Variants in ADA observed in about 807,000 individuals in gnomAD.
The protein encoded by ADA is adenosine deaminase.
ADA carries 45 observed loss-of-function variants against 49.0 expected under a neutral mutation model. The observed-to-expected ratio is 0.92, with a 90% CI of 0.72 to 1.18. ADA has a LOEUF of 1.18. Among genes scored for constraint, ADA ranks in the 50% most tolerant of loss-of-function variants. ADA has a pLI of 0.00. For synonymous variants in ADA, 173 were observed against 184.2 expected (o/e 0.94, Z 0.49); for missense variants, 445 against 472.5 (o/e 0.94, Z 0.54).
Position 44,632,989 on chromosome 20 carries a change from C to T in ADA, c.95+3238G>A, listed in dbSNP as rs1003684762. Among the ~76,000 whole-genome samples the T allele has an allele frequency of 5.3e-5, 8 of 152,216 alleles. No homozygotes were observed. The South Asian group carries it at 1.2e-3, about 24-fold the overall frequency. On this transcript the variant is annotated intron_variant, in intron 2 of 11. Transcript: ENST00000372874. ...GATTACAGGCGTGAGCCACCATGCA[C>T]GCTCTGTTCTTAGATGATCCCTACT...
chr20:44,651,465 G>A (rs1356768884), intron 1 of ADA, 110 bp downstream of exon 1: 33 of 1,103,736 alleles, frequency 3.0e-5, no homozygotes, highest in Admixed American at 4.4e-5. Context: ...CTCGCCTGCA[G>A]GAGCCCCCGT....
At chr20:44,628,707 A>C (rs947502735) in intron 3 of ADA, among the ~76,000 whole-genome samples, 3 of 149,420 alleles carry the variant, frequency 2.0e-5, no homozygotes, top group Non-Finnish European at 3.0e-5. Flanking sequence ...CCCCCACCCT[A>C]TATTCAGGCC....
chr20:44,649,989 C>T lies in ADA; in HGVS notation c.33+1586G>A, dbSNP rs1423214027. Among the ~76,000 whole-genome samples, 5 of 152,250 alleles carry T rather than the reference C, an allele frequency of 3.3e-5. No individual in the cohort carries two copies. The South Asian group carries it at 8.3e-4, about 25-fold the overall frequency. ...TGGCCTCATGATCCACCCACCTTTG[C>T]CTCCCAAAGTGCTGGGATTATAGGC... On this transcript the variant is annotated intron_variant, in intron 1 of 11. Transcript: ENST00000372874.
rs541528931 is a variant in ADA, at chr20:44,647,666, C to G, written c.33+3909G>C. ...GGCACAGTGGCTCACACCTGTAATC[C>G]CAGCGCTTTGGGAAGCCAAGGTGGG... On this transcript the variant is annotated intron_variant, in intron 1 of 11. Coordinates refer to ENST00000372874, the MANE Select transcript of ADA (RefSeq NM_000022.4). 1.1e-4 allele frequency among the ~76,000 whole-genome samples: 17 copies of G among 152,150 alleles called. No individual in the cohort carries two copies. The South Asian group carries it at 3.5e-3, about 32-fold the overall frequency.
At chr20:44,634,756 G>A (rs1199309136) in intron 2 of ADA, among the ~76,000 whole-genome samples, 1 of 152,256 alleles carries the variant, frequency 6.6e-6, no homozygotes, top group Non-Finnish European at 1.5e-5. Flanking sequence ...AATCTCTCAG[G>A]GAGTTGGTGG....
intron 11 of ADA, 99 bp downstream of exon 11, chr20:44,620,200 G>T: frequency 2.8e-6 from 3 of 1,067,662 alleles, no homozygotes; most frequent in Non-Finnish European, 4.4e-6. Context: ...CATTCATGGC[G>T]CTGCCCAAGA....
chr20:44,621,506 T>G (rs1320517529), intron 9 of ADA, among the ~76,000 whole-genome samples: 1 of 152,072 alleles, frequency 6.6e-6, no homozygotes, highest in Non-Finnish European at 1.5e-5. Flanking sequence ...CACCCTACCC[T>G]GCTTGTTCCT....
At position 44,629,908 on chromosome 20, in the gene ADA, G is replaced by C. The variant is rs114380358; in HGVS notation, c.96-739C>G. Among the ~76,000 whole-genome samples the C allele has an allele frequency of 2.2e-3, 330 of 152,234 alleles. 1 individual carries two copies. Among genetic ancestry groups the C allele is most frequent in the African/African-American group, 7.5e-3 (312 of 41,544 alleles). Reference sequence around the variant, plus strand: ...CACGGGAAGCAGGGTGCGAGCTCAGGGGGGCTCCCTCTCTTCTGCACACGC... The same window carrying C: ...CACGGGAAGCAGGGTGCGAGCTCAGCGGGGCTCCCTCTCTTCTGCACACGC... On this transcript the variant is annotated intron_variant, in intron 2 of 11. Transcript: ENST00000372874.
chr20:44,649,539 A>G (rs929357254), intron 1 of ADA, among the ~76,000 whole-genome samples: 39 of 152,076 alleles, frequency 2.6e-4, no homozygotes, highest in African/African-American at 9.2e-4. Context: ...CAATAGGGAA[A>G]ATGATCTGCC....
chr20:44,640,393 C>A (rs887244592), intron 1 of ADA, among the ~76,000 whole-genome samples: 1 of 150,456 alleles, frequency 6.6e-6, no homozygotes, highest in Non-Finnish European at 1.5e-5. Context: ...CCAGCCTGGG[C>A]AACAGAGCAA....
At chr20:44,643,711 TCTC>T (rs2065559484) in intron 1 of ADA, among the ~76,000 whole-genome samples, 1 of 152,138 alleles carries the variant, frequency 6.6e-6, no homozygotes, top group Non-Finnish European at 1.5e-5. Flanking sequence ...CAGAGGGGAA[TCTC>T]ACGCCCCTTC....
At chr20:44,625,492 ACAG>A (rs2065372850) in intron 5 of ADA, 74 bp downstream of exon 5, 2 of 1,309,410 alleles carry the variant, frequency 1.5e-6, no homozygotes, top group Non-Finnish European at 2.2e-6. Flanking sequence ...GAGATCAGGT[ACAG>A]CCCCACTGCT....
chr20:44,619,819 G>T lies in ADA; in HGVS notation c.*15C>A, dbSNP rs750419797. 6.2e-7 allele frequency: 1 copy of T among 1,614,186 alleles called. No homozygotes were observed. Among genetic ancestry groups the T allele is most frequent in the Admixed American group, 1.7e-5 (1 of 60,022 alleles). On this transcript the variant is annotated 3_prime_UTR_variant, in exon 12 of 12. Coordinates refer to ENST00000372874, the MANE Select transcript of ADA (RefSeq NM_000022.4). Reference sequence around the variant, plus strand: ...GGGTGACTCCACAGGGTGAAGGCTTGGAGGAGTGGCGTCTTCAGAGGTTCT... The same window carrying T: ...GGGTGACTCCACAGGGTGAAGGCTTTGAGGAGTGGCGTCTTCAGAGGTTCT...
chr20:44,620,369 T>C lies in ADA; in HGVS notation c.1008A>G (p.Pro336=), dbSNP rs762614678. 6.2e-6 allele frequency: 10 copies of C among 1,614,086 alleles called. No homozygotes were observed. In the East Asian group the frequency reaches 2.0e-4, roughly 32 times the overall value. Reference sequence around the variant, plus strand: ...CGAGAAGCTCCCTCTTTTCATCTTCTGGGAGGAAACTAGATTTGGCCGCAT... The same window carrying C: ...CGAGAAGCTCCCTCTTTTCATCTTCCGGGAGGAAACTAGATTTGGCCGCAT... The part of the protein sequence containing the change: ...NINAAKSSFL[P]EDEKRELLDL... Residue 336 remains proline, a synonymous_variant, in exon 11 of 12, where the codon CCA becomes CCG. Transcript: ENST00000372874.
intron 1 of ADA, among the ~76,000 whole-genome samples, chr20:44,646,062 T>A (rs1184196002): frequency 6.6e-6 from 1 of 152,072 alleles, no homozygotes; most frequent in Admixed American, 6.5e-5. Context: ...ATGGTCCTAC[T>A]ACCTTGCCCC....
In ADA at chr20:44,625,661, AC is replaced by A; in HGVS notation, c.385del (p.Val129TrpfsTer4). On this transcript the variant is annotated frameshift_variant, in exon 5 of 12. Coordinates refer to ENST00000372874, the MANE Select transcript of ADA (RefSeq NM_000022.4). LOFTEE classifies it high-confidence loss of function. ...CAGGCCCTGGCCCACTAGGGCCACC[AC>A]CTCGTCTGGGGTGAGGTCCCCTCTG... is the stretch of plus-strand genomic sequence containing the variant. ...QAEGDLTPDE[V>X]VALVGQGLQE... is the part of the protein sequence containing the mutation. 6.4e-7 allele frequency: 1 copy of A among 1,567,578 alleles called. No individual in the cohort carries two copies. Among genetic ancestry groups the A allele is most frequent in the East Asian group, 2.3e-5 (1 of 42,602 alleles).
intron 10 of ADA, chr20:44,620,706 G>A: frequency 1.8e-6 from 1 of 560,386 alleles, no homozygotes; most frequent in East Asian, 3.2e-5. Flanking sequence ...TTCAGCCTGG[G>A]ATTTAAGAAC....
At position 44,646,473 on chromosome 20, in the gene ADA, G is replaced by GAGGAGGT. The variant is rs1241119818; in HGVS notation, c.33+5101_33+5102insACCTCCT. On this transcript the variant is annotated intron_variant, in intron 1 of 11. Transcript: ENST00000372874. The stretch of plus-strand genomic sequence containing the variant: ...AAGACAAAAAGGAGGAGGGAGGAGG[G>GAGGAGGT]AGATTCTGCAGCTGGAGAGGCCTCC... Among the ~76,000 whole-genome samples the GAGGAGGT allele has an allele frequency of 4.0e-5, 6 of 150,792 alleles. No homozygotes were observed. The East Asian group carries it at 1.2e-3, about 29-fold the overall frequency.
intron 9 of ADA, 105 bp from the exon 10 acceptor site, chr20:44,621,252 CAG>C (rs2065329200): frequency 2.8e-6 from 4 of 1,440,384 alleles, no homozygotes; most frequent in East Asian, 2.3e-5. Context: ...CAGCCTCAAA[CAG>C]ATCTGAAAGA....
Sources: allele counts gnomAD v4.1 joint callset (sites outside exome capture counted in the v4.1 genomes callset), GRCh38; gene constraint gnomAD v4.1.1; transcripts MANE v1.5; gene names NCBI Gene and HGNC (gene_info 2026-07-23, HGNC 2026-07-21).